ERBB4: variants seen among roughly 807,000 people sequenced by gnomAD.
ERBB4 encodes the protein erb-b2 receptor tyrosine kinase 4, also known as receptor tyrosine-protein kinase erbB-4.
A neutral mutation model predicts 158.0 loss-of-function variants in ERBB4; 42 were observed. The observed-to-expected ratio is 0.27, with a 90% confidence interval of 0.21 to 0.34. The LOEUF is 0.34. Ranked by LOEUF, ERBB4 falls within the 10% of genes least tolerant of loss-of-function variation. The pLI is 1.00. For synonymous variants in ERBB4, 583 were observed against 558.7 expected (o/e 1.04, Z -0.61); for missense variants, 1,333 against 1,624.1 (o/e 0.82, Z 3.08).
intron 1 of ERBB4, among the ~76,000 whole-genome samples, chr2:212,512,035 G>A (rs887990896): frequency 6.6e-6 from 1 of 152,076 alleles, no homozygotes; most frequent in African/African-American, 2.4e-5. Flanking sequence ...TCATTGATCA[G>A]AATTCTATCC....
At chr2:212,182,407 T>C (rs2081896040) in intron 1 of ERBB4, among the ~76,000 whole-genome samples, 1 of 151,834 alleles carries the variant, frequency 6.6e-6, no homozygotes, top group Non-Finnish European at 1.5e-5. Context: ...TTTTGCACTA[T>C]TTCAAATAAT....
intron 1 of ERBB4, among the ~76,000 whole-genome samples, chr2:212,364,377 C>T (rs142606073): frequency 8.0e-4 from 122 of 151,716 alleles, no homozygotes; most frequent in African/African-American, 2.7e-3. Flanking sequence ...CTCCTACTAC[C>T]GCTAATAAAG....
chr2:212,058,334 G>C (rs1182075373), intron 2 of ERBB4, among the ~76,000 whole-genome samples: 5 of 152,150 alleles, frequency 3.3e-5, no homozygotes, highest in Admixed American at 2.6e-4. Context: ...GGACCAGACA[G>C]ATTCACAGCT....
intron 1 of ERBB4, among the ~76,000 whole-genome samples, chr2:212,510,985 A>G (rs1691486862): frequency 6.6e-6 from 1 of 152,148 alleles, no homozygotes; most frequent in Non-Finnish European, 1.5e-5. Context: ...ATAAGAATAT[A>G]TGACCCCAAA....
intron 1 of ERBB4, among the ~76,000 whole-genome samples, chr2:212,202,873 T>C (rs1489874110): frequency 6.6e-6 from 1 of 152,060 alleles, no homozygotes; most frequent in Non-Finnish European, 1.5e-5. Context: ...ATTAGTTTTA[T>C]GTATATTAGT....
At chr2:211,601,489 T>TGA (rs1409800391) in intron 19 of ERBB4, among the ~76,000 whole-genome samples, 2 of 149,446 alleles carry the variant, frequency 1.3e-5, no homozygotes, top group Non-Finnish European at 3.0e-5. Context: ...GAACAATGAA[T>TGA]GAAGAAAAAA....
chr2:211,500,875 T>C (rs1156856038), intron 20 of ERBB4, among the ~76,000 whole-genome samples: 1 of 151,954 alleles, frequency 6.6e-6, no homozygotes, highest in Non-Finnish European at 1.5e-5. Context: ...GTATAATAGG[T>C]TTGGCATTAG....
chr2:212,048,990 A>G (rs1422781046), intron 2 of ERBB4, among the ~76,000 whole-genome samples: 1 of 152,220 alleles, frequency 6.6e-6, no homozygotes, highest in African/African-American at 2.4e-5. Flanking sequence ...CTGGGCACAC[A>G]CCTTGATTTC....
intron 20 of ERBB4, among the ~76,000 whole-genome samples, chr2:211,503,960 T>A (rs1380828107): frequency 2.0e-5 from 3 of 152,070 alleles, no homozygotes; most frequent in Non-Finnish European, 4.4e-5. Flanking sequence ...ACCTGGAACA[T>A]CCTGGAGCTT....
At chr2:212,332,962 G>T (rs1051331468) in intron 1 of ERBB4, among the ~76,000 whole-genome samples, 9 of 151,832 alleles carry the variant, frequency 5.9e-5, no homozygotes, top group African/African-American at 2.2e-4. Flanking sequence ...AAAAGAAATG[G>T]GTATAGAATT....
intron 1 of ERBB4, among the ~76,000 whole-genome samples, chr2:212,352,019 AGAT>A (rs1264100815): frequency 6.6e-6 from 1 of 152,194 alleles, no homozygotes; most frequent in African/African-American, 2.4e-5. Context: ...CTTTGTGGCA[AGAT>A]GAATGGAGCT....
At chr2:212,344,243 A>G (rs1475272480) in intron 1 of ERBB4, among the ~76,000 whole-genome samples, 3 of 152,134 alleles carry the variant, frequency 2.0e-5, no homozygotes, top group African/African-American at 7.2e-5. Context: ...ATGGGGCTGG[A>G]TAATTCTTTG....
chr2:212,360,932 C>T (rs1180640456), intron 1 of ERBB4, among the ~76,000 whole-genome samples: 1 of 151,728 alleles, frequency 6.6e-6, no homozygotes, highest in African/African-American at 2.4e-5. Flanking sequence ...AGATATGATA[C>T]AGTCCCATCT....
At chr2:212,531,803 T>C (rs1384728906) in intron 1 of ERBB4, among the ~76,000 whole-genome samples, 1 of 152,160 alleles carries the variant, frequency 6.6e-6, no homozygotes. Context: ...CTGTGTGACT[T>C]TTAGGGAATT....
intron 1 of ERBB4, among the ~76,000 whole-genome samples, chr2:212,336,698 T>C (rs749797649): frequency 6.6e-6 from 1 of 152,104 alleles, no homozygotes; most frequent in Non-Finnish European, 1.5e-5. Context: ...TTGTAAGTAC[T>C]TCAGAATCAT....
chr2:212,295,813 C>A (rs1366258874), intron 1 of ERBB4, among the ~76,000 whole-genome samples: 1 of 151,934 alleles, frequency 6.6e-6, no homozygotes, highest in Non-Finnish European at 1.5e-5. Flanking sequence ...ATCTTTGATT[C>A]TTTGATTTAA....
chr2:211,693,497 T>A (rs77428768), intron 12 of ERBB4, among the ~76,000 whole-genome samples: 1 of 152,176 alleles, frequency 6.6e-6, no homozygotes, highest in African/African-American at 2.4e-5. Flanking sequence ...TTATGAATTT[T>A]CCTACAAGGG....
At chr2:211,809,609 T>A (rs916852186) in intron 3 of ERBB4, among the ~76,000 whole-genome samples, 1 of 152,210 alleles carries the variant, frequency 6.6e-6, no homozygotes, top group African/African-American at 2.4e-5. Context: ...GCTAGCAGTC[T>A]ATCAATTTTG....
Position 211,861,340 on chromosome 2 carries a change from T to G in ERBB4, c.422-73181A>C, listed in dbSNP as rs1269218967. The stretch of plus-strand genomic sequence containing the variant: ...CAGTCCAGGCGTGTTTTTTTTTTTG[T>G]TTTTTTTTTGTTTTTTTTTTTTTTT... On this transcript the variant is annotated intron_variant, in intron 3 of 27. Transcript: ENST00000342788. Among the ~76,000 whole-genome samples, 279 of 34,078 alleles carry G rather than the reference T, an allele frequency of 8.2e-3. 1 individual carries two copies. Among genetic ancestry groups the G allele is most frequent in the African/African-American group, 0.025 (265 of 10,452 alleles). The allele number at this position is 34,078 out of a possible 152,430, so 22.4% of individuals were successfully genotyped here.
Sources: allele counts gnomAD v4.1 joint callset (sites outside exome capture counted in the v4.1 genomes callset), GRCh38; gene constraint gnomAD v4.1.1; transcripts MANE v1.5; gene names NCBI Gene and HGNC (gene_info 2026-07-23, HGNC 2026-07-21).